FANCC: variants seen among roughly 807,000 people sequenced by gnomAD.
The protein encoded by FANCC is FA complementation group C.
A neutral mutation model predicts 71.3 loss-of-function variants in FANCC; 55 were observed. That is an observed-to-expected ratio of 0.77 (90% CI 0.62 to 0.97). FANCC has a LOEUF of 0.97. Ranked by LOEUF, FANCC falls within the 50% of genes least tolerant of loss-of-function variation. The pLI is 0.00. For synonymous variants in FANCC, 275 were observed against 244.9 expected (o/e 1.12, Z -1.15); for missense variants, 678 against 670.9 (o/e 1.01, Z -0.12).
intron 7 of FANCC, among the ~76,000 whole-genome samples, chr9:95,140,024 T>C (rs1399391641): frequency 6.6e-6 from 1 of 151,938 alleles, no homozygotes; most frequent in East Asian, 1.9e-4. Flanking sequence ...CTGCCTGGAA[T>C]TGACCAAAAT....
chr9:95,217,113 A>T (rs926658427), intron 4 of FANCC, among the ~76,000 whole-genome samples: 1 of 152,250 alleles, frequency 6.6e-6, no homozygotes, highest in Admixed American at 6.5e-5. Flanking sequence ...ACAAATATAT[A>T]ATCAGACACA....
chr9:95,260,695 A>AC lies in FANCC; in HGVS notation c.-78-11327_-78-11326insG, dbSNP rs1348014382. On this transcript the variant is annotated intron_variant, in intron 1 of 14. Transcript: ENST00000289081. ...CTCAGAACTTAAAATATAAAAAAAA[A>AC]AAAAAAACTTCCAGATACACATTTA... is the stretch of plus-strand genomic sequence containing the variant. Among the ~76,000 whole-genome samples the AC allele has an allele frequency of 2.6e-3, 396 of 151,982 alleles. 3 individuals carry two copies. Among genetic ancestry groups the AC allele is most frequent in the Non-Finnish European group, 4.6e-3 (315 of 67,942 alleles).
At chr9:95,101,941 T>C in intron 14 of FANCC, 91 bp from the exon 15 acceptor site, 1 of 1,447,208 alleles carries the variant, frequency 6.9e-7, no homozygotes, top group East Asian at 2.3e-5. Context: ...ACCCAGTCCC[T>C]GAAAGAAGCC....
intron 1 of FANCC, among the ~76,000 whole-genome samples, chr9:95,307,189 A>T (rs1228036508): frequency 6.6e-6 from 1 of 152,022 alleles, no homozygotes; most frequent in African/African-American, 2.4e-5. Context: ...TTCTTTTTTT[A>T]AAATGCCTAT....
At chr9:95,231,673 T>C (rs1223555930) in intron 4 of FANCC, among the ~76,000 whole-genome samples, 1 of 152,206 alleles carries the variant, frequency 6.6e-6, no homozygotes. Flanking sequence ...CAATCCTATA[T>C]TTGAAAGTTC....
chr9:95,183,415 A>G (rs545421066), intron 4 of FANCC, among the ~76,000 whole-genome samples: 1 of 152,226 alleles, frequency 6.6e-6, no homozygotes, highest in Non-Finnish European at 1.5e-5. Flanking sequence ...TAGTCATTCA[A>G]TAAAGACCAG....
At chr9:95,136,351 C>G (rs1827696650) in intron 7 of FANCC, among the ~76,000 whole-genome samples, 1 of 152,022 alleles carries the variant, frequency 6.6e-6, no homozygotes, top group Non-Finnish European at 1.5e-5. Context: ...TCACTGCACT[C>G]CAACCTGGGC....
intron 14 of FANCC, 111 bp downstream of exon 14, chr9:95,106,955 G>T (rs2071497254): frequency 9.5e-7 from 1 of 1,051,086 alleles, no homozygotes; most frequent in Non-Finnish European, 1.4e-6. Context: ...ATCTGTGCTG[G>T]GCAGCATCCT....
chr9:95,315,364 A>G (rs1024647825), intron 1 of FANCC, among the ~76,000 whole-genome samples: 3 of 152,244 alleles, frequency 2.0e-5, no homozygotes, highest in African/African-American at 7.2e-5. Context: ...AACTGGGACC[A>G]CAGCCCCGCA....
At chr9:95,162,452 A>G (rs1830808664) in intron 6 of FANCC, among the ~76,000 whole-genome samples, 1 of 152,146 alleles carries the variant, frequency 6.6e-6, no homozygotes, top group Non-Finnish European at 1.5e-5. Context: ...TTTGTTCCCA[A>G]TTATTTGGAA....
chr9:95,195,257 T>C (rs984151508), intron 4 of FANCC, among the ~76,000 whole-genome samples: 1 of 150,728 alleles, frequency 6.6e-6, no homozygotes, highest in African/African-American at 2.4e-5. Context: ...TTTTTTTTTT[T>C]TTTGAAAAGT....
chr9:95,284,903 C>CAG (rs1296554495), intron 1 of FANCC, among the ~76,000 whole-genome samples: 1 of 148,926 alleles, frequency 6.7e-6, no homozygotes, highest in African/African-American at 2.5e-5. Flanking sequence ...CACACACACA[C>CAG]AAACATACGC....
intron 8 of FANCC, among the ~76,000 whole-genome samples, chr9:95,129,613 G>T (rs1014702407): frequency 8.5e-5 from 13 of 152,158 alleles, no homozygotes; most frequent in Non-Finnish European, 1.5e-5. Context: ...ACCTTTTGTG[G>T]TTTCCATCTG....
intron 4 of FANCC, among the ~76,000 whole-genome samples, chr9:95,189,152 A>G (rs1264926681): frequency 6.6e-6 from 1 of 152,046 alleles, no homozygotes; most frequent in African/African-American, 2.4e-5. Flanking sequence ...TACTGCAGAC[A>G]CATTTCTGTA....
At chr9:95,261,797 C>T (rs1015623686) in intron 1 of FANCC, among the ~76,000 whole-genome samples, 8 of 152,168 alleles carry the variant, frequency 5.3e-5, no homozygotes, top group Admixed American at 2.6e-4. Flanking sequence ...GAGATGCAGA[C>T]GCTGGAACAG....
intron 13 of FANCC, chr9:95,107,470 C>T (rs183031140): frequency 1.7e-5 from 11 of 639,722 alleles, no homozygotes; most frequent in East Asian, 1.6e-4. Flanking sequence ...GACTTTCTTT[C>T]GTCTTGCTCA....
rs1173418939 is a variant in FANCC at position 95,110,441 on chromosome 9, C to A, written c.1329+1022G>T. On this transcript the variant is annotated intron_variant, in intron 13 of 14. Transcript: ENST00000289081. ...AGGATTTTCCTTAGCTTAACGTGAT[C>A]TTTTAAAGGGGAAGAAATAAAAAGC... The A allele has an allele frequency of 3.9e-6, 4 of 1,026,430 alleles. No homozygotes were observed. In the African/African-American group the frequency reaches 6.8e-5, roughly 17 times the overall value. The allele number at this position is 1,026,430 out of a possible 1,614,324, so 63.6% of individuals were successfully genotyped here.
At chr9:95,164,029 T>C (rs531988884) in intron 6 of FANCC, among the ~76,000 whole-genome samples, 3 of 152,258 alleles carry the variant, frequency 2.0e-5, no homozygotes, top group Non-Finnish European at 2.9e-5. Context: ...TTTGGTGCTA[T>C]TGTAAGCAGG....
At chr9:95,234,689 G>A (rs1218504895) in intron 4 of FANCC, among the ~76,000 whole-genome samples, 1 of 152,042 alleles carries the variant, frequency 6.6e-6, no homozygotes, top group Non-Finnish European at 1.5e-5. Flanking sequence ...ACACACACAG[G>A]GATTTATTAT....
Sources: allele counts gnomAD v4.1 joint callset (sites outside exome capture counted in the v4.1 genomes callset), GRCh38; gene constraint gnomAD v4.1.1; transcripts MANE v1.5; gene names NCBI Gene and HGNC (gene_info 2026-07-23, HGNC 2026-07-21).